Variants in CDH13 observed in about 807,000 individuals in gnomAD.
CDH13 encodes cadherin 13.
A neutral mutation model predicts 63.8 loss-of-function variants in CDH13; 24 were observed. The observed-to-expected ratio is 0.38, with a 90% confidence interval of 0.27 to 0.53. CDH13 has a LOEUF of 0.53. Ranked by LOEUF, CDH13 falls within the 20% of genes least tolerant of loss-of-function variation. CDH13 has a pLI of 0.85. For synonymous variants in CDH13, 503 were observed against 355.3 expected (o/e 1.42, Z -4.67); for missense variants, 1,049 against 903.1 (o/e 1.16, Z -2.07).
intron 4 of CDH13, among the ~76,000 whole-genome samples, chr16:83,166,635 C>T (rs1347490052): frequency 6.6e-6 from 1 of 152,124 alleles, no homozygotes; most frequent in Non-Finnish European, 1.5e-5. Flanking sequence ...CTCTTACCTG[C>T]CCCATTTCCA....
Position 83,252,107 on chromosome 16 carries a change from T to TACACAC in CDH13, c.636+34628_636+34633dup, listed in dbSNP as rs149781230. On this transcript the variant is annotated intron_variant, in intron 5 of 13. Transcript: ENST00000567109. Reference sequence around the variant, plus strand: ...TATGTATATATGTATATATATATTATACACACACACACACACACACACATA... The same window carrying TACACAC: ...TATGTATATATGTATATATATATTATACACACACACACACACACACACACACACATA... Among the ~76,000 whole-genome samples the TACACAC allele has an allele frequency of 1.3e-3, 178 of 135,942 alleles. 1 individual carries two copies. The highest frequency in any genetic ancestry group is 3.8e-3 in the Middle Eastern group (1 of 266). The allele number at this position is 135,942 out of a possible 152,430, so 89.2% of individuals were successfully genotyped here. A position where few individuals can be genotyped will look rare whatever the true frequency, so the allele number is the denominator to read the frequency against.
intron 2 of CDH13, among the ~76,000 whole-genome samples, chr16:83,013,345 G>C (rs1359995335): frequency 2.6e-5 from 4 of 152,156 alleles, no homozygotes; most frequent in African/African-American, 9.7e-5. Flanking sequence ...TCACAACTTT[G>C]TGTCATCCTA....
intron 1 of CDH13, among the ~76,000 whole-genome samples, chr16:82,822,606 T>G: frequency 6.6e-6 from 1 of 152,182 alleles, no homozygotes. Flanking sequence ...GAGATCCTCC[T>G]GCCTTAGCCT....
At chr16:82,756,420 A>G (rs2034613500) in intron 1 of CDH13, among the ~76,000 whole-genome samples, 1 of 152,270 alleles carries the variant, frequency 6.6e-6, no homozygotes, top group East Asian at 1.9e-4. Flanking sequence ...CAAACCAGGA[A>G]CTGTGTTAAA....
At chr16:83,013,412 G>A (rs1277432589) in intron 2 of CDH13, among the ~76,000 whole-genome samples, 1 of 152,172 alleles carries the variant, frequency 6.6e-6, no homozygotes, top group Non-Finnish European at 1.5e-5. Flanking sequence ...ACTCTAGTGA[G>A]TTAGCAGAGC....
At chr16:82,851,923 C>T (rs984574362) in intron 1 of CDH13, among the ~76,000 whole-genome samples, 4 of 152,184 alleles carry the variant, frequency 2.6e-5, no homozygotes, top group Non-Finnish European at 5.9e-5. Flanking sequence ...CTGACTTTAA[C>T]AAGAGTAAAC....
At chr16:82,983,615 A>G (rs1017021898) in intron 2 of CDH13, among the ~76,000 whole-genome samples, 1 of 152,198 alleles carries the variant, frequency 6.6e-6, no homozygotes, top group African/African-American at 2.4e-5. Flanking sequence ...AATCTGTGAG[A>G]CAGGGCTGCT....
At chr16:83,242,060 A>T (rs536308414) in intron 5 of CDH13, among the ~76,000 whole-genome samples, 1 of 152,268 alleles carries the variant, frequency 6.6e-6, no homozygotes, top group Non-Finnish European at 1.5e-5. Context: ...GTGGATATTC[A>T]GTTTTCCAAA....
intron 6 of CDH13, among the ~76,000 whole-genome samples, chr16:83,358,277 G>A (rs2091095318): frequency 6.6e-6 from 1 of 152,104 alleles, no homozygotes; most frequent in African/African-American, 2.4e-5. Context: ...CCTCACCTAG[G>A]AAGAGTACCC....
chr16:82,637,903 T>G (rs991141857), intron 1 of CDH13: 10 of 152,194 alleles, frequency 6.6e-5, no homozygotes, highest in African/African-American at 2.4e-4. Flanking sequence ...ATTTAGGGAA[T>G]TCAGAGGTAA....
intron 2 of CDH13, among the ~76,000 whole-genome samples, chr16:82,924,118 C>G (rs2042236678): frequency 6.6e-6 from 1 of 152,168 alleles, no homozygotes; most frequent in Non-Finnish European, 1.5e-5. Flanking sequence ...ACTAGTTTCC[C>G]TATTTCCTTT....
chr16:83,156,166 G>C (rs2037199364), intron 4 of CDH13, among the ~76,000 whole-genome samples: 1 of 152,172 alleles, frequency 6.6e-6, no homozygotes, highest in Admixed American at 6.5e-5. Flanking sequence ...AACATAGCGT[G>C]GTTATAAATT....
At chr16:82,769,505 C>A (rs1269941185) in intron 1 of CDH13, among the ~76,000 whole-genome samples, 2 of 152,158 alleles carry the variant, frequency 1.3e-5, no homozygotes, top group African/African-American at 2.4e-5. Flanking sequence ...ATGGAGGCCA[C>A]GTTGAACCTC....
intron 3 of CDH13, among the ~76,000 whole-genome samples, chr16:83,084,006 G>T (rs147750287): frequency 1.3e-5 from 2 of 152,340 alleles, no homozygotes; most frequent in Non-Finnish European, 2.9e-5. Flanking sequence ...TTAGAAAGCT[G>T]CTGTGGACCT....
At chr16:82,833,179 T>C (rs1416897362) in intron 1 of CDH13, among the ~76,000 whole-genome samples, 1 of 152,172 alleles carries the variant, frequency 6.6e-6, no homozygotes, top group East Asian at 1.9e-4. Context: ...AAAAAACAAA[T>C]GTTTCGGATA....
At chr16:83,328,503 A>G (rs1373640751) in intron 5 of CDH13, among the ~76,000 whole-genome samples, 1 of 152,208 alleles carries the variant, frequency 6.6e-6, no homozygotes, top group African/African-American at 2.4e-5. Flanking sequence ...TGAAAGGCCA[A>G]TTTACGTATT....
At chr16:82,812,052 T>C (rs902220955) in intron 1 of CDH13, among the ~76,000 whole-genome samples, 1 of 152,176 alleles carries the variant, frequency 6.6e-6, no homozygotes, top group Admixed American at 6.5e-5. Context: ...TATTCTTTGA[T>C]GGATGAGCAG....
intron 7 of CDH13, among the ~76,000 whole-genome samples, chr16:83,563,753 C>G (rs568167790): frequency 6.6e-6 from 1 of 152,250 alleles, no homozygotes; most frequent in Non-Finnish European, 1.5e-5. Context: ...GCATATAACT[C>G]TCCCCAAACC....
At chr16:83,660,108 C>A (rs953842575) in intron 8 of CDH13, among the ~76,000 whole-genome samples, 1 of 152,072 alleles carries the variant, frequency 6.6e-6, no homozygotes, top group East Asian at 1.9e-4. Context: ...TTTTTGGCAC[C>A]AGGAACTGGT....
Sources: allele counts gnomAD v4.1 joint callset (sites outside exome capture counted in the v4.1 genomes callset), GRCh38; gene constraint gnomAD v4.1.1; transcripts MANE v1.5; gene names NCBI Gene and HGNC (gene_info 2026-07-23, HGNC 2026-07-21).